TRAF3IP1: variants seen among roughly 807,000 people sequenced by gnomAD.
The protein encoded by TRAF3IP1 is intraflagellar transport 54.
A neutral mutation model predicts 89.9 loss-of-function variants in TRAF3IP1; 53 were observed. That is an observed-to-expected ratio of 0.59 (90% CI 0.47 to 0.74). TRAF3IP1 has a LOEUF of 0.74. Among genes scored for constraint, TRAF3IP1 ranks in the 30% least tolerant of loss-of-function variants. The probability of loss-of-function intolerance (pLI) is 0.00; values close to 1 mark genes in which losing one functional copy is unlikely to be tolerated. For missense variants in TRAF3IP1, 806 were observed against 866.1 expected, an observed-to-expected ratio of 0.93 and a Z score of 0.87; for synonymous variants, 311 against 322.1, an observed-to-expected ratio of 0.97 and a Z score of 0.37.
intron 15 of TRAF3IP1, among the ~76,000 whole-genome samples, chr2:238,356,811 C>T (rs541715099): frequency 2.0e-5 from 3 of 149,706 alleles, no homozygotes; most frequent in Non-Finnish European, 3.0e-5. Context: ...TAGAGTCTCG[C>T]TCTGTCGCCC....
At chr2:238,385,014 T>C (rs1700706170) in intron 15 of TRAF3IP1, among the ~76,000 whole-genome samples, 1 of 152,026 alleles carries the variant, frequency 6.6e-6, no homozygotes, top group African/African-American at 2.4e-5. Flanking sequence ...TTATTTTTCT[T>C]TCTTTCTTTA....
At chr2:238,336,217 T>C (rs1187656830) in intron 7 of TRAF3IP1, among the ~76,000 whole-genome samples, 1 of 152,214 alleles carries the variant, frequency 6.6e-6, no homozygotes, top group African/African-American at 2.4e-5. Context: ...ACTGGTGAGC[T>C]TGTGCTCTAG....
At chr2:238,327,262 G>A (rs559529525) in intron 3 of TRAF3IP1, among the ~76,000 whole-genome samples, 4 of 152,312 alleles carry the variant, frequency 2.6e-5, no homozygotes, top group Admixed American at 1.3e-4. Context: ...ACAATGTGGC[G>A]TCTGTGAGTG....
At chr2:238,342,123 G>A (rs1326006116) in intron 8 of TRAF3IP1, among the ~76,000 whole-genome samples, 1 of 152,062 alleles carries the variant, frequency 6.6e-6, no homozygotes, top group East Asian at 1.9e-4. Flanking sequence ...TGAGTAGCTG[G>A]GATTACAGGC....
chr2:238,392,176 G>T (rs1318466203), intron 15 of TRAF3IP1, among the ~76,000 whole-genome samples: 1 of 152,128 alleles, frequency 6.6e-6, no homozygotes, highest in Non-Finnish European at 1.5e-5. Flanking sequence ...TTTGCGTTCA[G>T]CCTGGGCAAC....
chr2:238,395,210 G>T (rs1574981559), intron 15 of TRAF3IP1, among the ~76,000 whole-genome samples: 1 of 152,058 alleles, frequency 6.6e-6, no homozygotes, highest in African/African-American at 2.4e-5. Flanking sequence ...TAAAGAAAGA[G>T]AGAGAGAAGA....
chr2:238,387,660 C>CA (rs1315649572), intron 15 of TRAF3IP1, among the ~76,000 whole-genome samples: 1 of 151,638 alleles, frequency 6.6e-6, no homozygotes, highest in Non-Finnish European at 1.5e-5. Context: ...TAGCCCTAGA[C>CA]AAAAAAAATA....
intron 15 of TRAF3IP1, among the ~76,000 whole-genome samples, chr2:238,365,533 C>T (rs1002395495): frequency 1.3e-5 from 2 of 152,042 alleles, no homozygotes; most frequent in South Asian, 4.1e-4. Flanking sequence ...TGGTGCATAC[C>T]TGTGTTTCCA....
At chr2:238,381,141 A>ATTTTTTTTT (rs148374609) in intron 15 of TRAF3IP1, among the ~76,000 whole-genome samples, 2 of 133,084 alleles carry the variant, frequency 1.5e-5, no homozygotes, top group Non-Finnish European at 1.6e-5. Flanking sequence ...TTATTTATTT[A>ATTTTTTTTT]TTTTTTTTTT....
rs748285627 is a variant in TRAF3IP1 at position 238,398,804 on chromosome 2, A to C, written c.1961A>C (p.Glu654Ala). The part of the protein sequence containing the change: ...EPLKAELAEL[E>A]QLIKDQQDKI... ...TTAAAGGCTGAGCTCGCGGAGCTGG[A>C]GCAGCTGATCAAAGACCAGCAAGAC... is the stretch of plus-strand genomic sequence containing the variant. Residue 654 changes from glutamate (E) to alanine (A), a missense_variant, in exon 17 of 17, where the codon GAG (glutamate) becomes GCG (alanine). This residue lies in a region of TRAF3IP1 where 70 missense variants were observed against 67.8 expected (regional missense o/e 1.03). Transcript: ENST00000373327. The C allele has an allele frequency of 6.2e-7, 1 of 1,613,064 alleles. No individual in the cohort carries two copies. Among genetic ancestry groups the C allele is most frequent in the Admixed American group, 1.7e-5 (1 of 59,750 alleles).
intron 15 of TRAF3IP1, among the ~76,000 whole-genome samples, chr2:238,391,721 G>A (rs1701003074): frequency 6.6e-6 from 1 of 152,074 alleles, no homozygotes; most frequent in South Asian, 2.1e-4. Context: ...TTACCTCTTA[G>A]TGTCTTTTTC....
Position 238,323,784 on chromosome 2 carries a change from A to G in TRAF3IP1, c.124-1522A>G, listed in dbSNP as rs73088988. On this transcript the variant is annotated intron_variant, in intron 1 of 16. Coordinates refer to ENST00000373327, the MANE Select transcript of TRAF3IP1 (RefSeq NM_015650.4). ...TGTTGCTACAAATTGTATTGATTTT[A>G]CAGTAACCTACCACATTTCAAAAAA... 1.3e-3 allele frequency among the ~76,000 whole-genome samples: 201 copies of G among 152,344 alleles called. 1 individual carries two copies. The highest frequency in any genetic ancestry group is 4.7e-3 in the African/African-American group (195 of 41,574).
rs1199569013 is a variant in TRAF3IP1, at chr2:238,400,383, T to A, written c.*1464T>A. ...TGCTGGGATTACAGGCATGAGCCACTGCACCCGGCCAGGTTTTGTTTCTTT... is the reference window on the plus strand; with the variant it reads ...TGCTGGGATTACAGGCATGAGCCACAGCACCCGGCCAGGTTTTGTTTCTTT... On this transcript the variant is annotated 3_prime_UTR_variant, in exon 17 of 17. Coordinates refer to ENST00000373327, the MANE Select transcript of TRAF3IP1 (RefSeq NM_015650.4). 1 of 152,252 alleles carries A rather than the reference T, an allele frequency of 6.6e-6. No homozygotes were observed. Among genetic ancestry groups the A allele is most frequent in the East Asian group, 1.9e-4 (1 of 5,196 alleles). 9.4% of individuals were successfully genotyped at this position (152,252 alleles called of 1,614,324 possible). A position where few individuals can be genotyped will look rare whatever the true frequency, so the allele number is the denominator to read the frequency against.
At chr2:238,395,362 C>T (rs919872482) in intron 15 of TRAF3IP1, among the ~76,000 whole-genome samples, 2 of 152,160 alleles carry the variant, frequency 1.3e-5, no homozygotes, top group African/African-American at 2.4e-5. Context: ...CCCTTCCTTA[C>T]ACCTTATACA....
intron 15 of TRAF3IP1, among the ~76,000 whole-genome samples, chr2:238,384,074 C>A (rs778833849): frequency 7.2e-5 from 11 of 152,098 alleles, no homozygotes; most frequent in African/African-American, 1.9e-4. Flanking sequence ...AGGGCCCCCC[C>A]CATCTGGATG....
At chr2:238,372,317 T>G (rs1271151960) in intron 15 of TRAF3IP1, among the ~76,000 whole-genome samples, 1 of 152,080 alleles carries the variant, frequency 6.6e-6, no homozygotes, top group Non-Finnish European at 1.5e-5. Flanking sequence ...TGTGTGATGT[T>G]CCCTGCCCTG....
intron 8 of TRAF3IP1, among the ~76,000 whole-genome samples, chr2:238,338,941 GAGGGGGT>G (rs1405783068): frequency 6.6e-6 from 1 of 152,250 alleles, no homozygotes; most frequent in Non-Finnish European, 1.5e-5. Flanking sequence ...TGCTGCCTCA[GAGGGGGT>G]GGTCCTTGGT....
rs555978870 is a variant in TRAF3IP1, at chr2:238,340,907, G to A, written c.1159+2450G>A. On this transcript the variant is annotated intron_variant, in intron 8 of 16. Transcript: ENST00000373327. ...GAGTCTCACTCTGTTGCTCAGGCTC[G>A]GGTACAGTGGCATGATCTCAGCTCA... Among the ~76,000 whole-genome samples, 6 of 151,918 alleles carry A rather than the reference G, an allele frequency of 3.9e-5. No individual in the cohort carries two copies. In the East Asian group the frequency reaches 5.8e-4, roughly 15 times the overall value.
chr2:238,344,412 A>G (rs1371287849), intron 8 of TRAF3IP1, 85 bp from the exon 9 acceptor site: 4 of 1,022,334 alleles, frequency 3.9e-6, no homozygotes, highest in Non-Finnish European at 4.5e-6. Flanking sequence ...TAGATAAGTA[A>G]GTGTGCTCTA....
Sources: allele counts gnomAD v4.1 joint callset (sites outside exome capture counted in the v4.1 genomes callset), GRCh38; gene constraint gnomAD v4.1.1; regional missense constraint gnomAD v4.1.1; transcripts MANE v1.5; gene names NCBI Gene and HGNC (gene_info 2026-07-23, HGNC 2026-07-21).